Variants in UNC13C observed in about 807,000 individuals in gnomAD.
UNC13C encodes the protein protein unc-13 homolog C.
In UNC13C, 174 loss-of-function variants were observed where a neutral mutation model predicts 245.4. That is an observed-to-expected ratio of 0.71 (90% CI 0.63 to 0.80). The LOEUF (loss-of-function observed/expected upper bound fraction) is 0.80. Ranked by LOEUF, UNC13C falls within the 30% of genes least tolerant of loss-of-function variation. The pLI is 0.00. For synonymous variants in UNC13C, 992 were observed against 895.1 expected, an observed-to-expected ratio of 1.11 and a Z score of -1.93; for missense variants, 2,829 against 2,602.9, an observed-to-expected ratio of 1.09 and a Z score of -1.89.
intron 2 of UNC13C, among the ~76,000 whole-genome samples, chr15:54,053,290 C>T (rs1005983975): frequency 3.9e-5 from 6 of 152,086 alleles, no homozygotes; most frequent in Admixed American, 1.3e-4. Flanking sequence ...CCTCAGCCTC[C>T]GAAAGTGTTG....
intron 32 of UNC13C, 128 bp from the exon 33 acceptor site, chr15:54,626,700 C>A: frequency 1.2e-6 from 1 of 856,862 alleles, no homozygotes; most frequent in South Asian, 1.8e-5. Flanking sequence ...TTAAAATACA[C>A]TGATATCCTA....
At chr15:54,349,084 T>A (rs2038923464) in intron 17 of UNC13C, among the ~76,000 whole-genome samples, 1 of 148,878 alleles carries the variant, frequency 6.7e-6, no homozygotes, top group Admixed American at 6.7e-5. Flanking sequence ...TATACAAATA[T>A]ATCAAATTAT....
At chr15:54,623,521 CA>C (rs142773486) in intron 31 of UNC13C, among the ~76,000 whole-genome samples, 6 of 152,110 alleles carry the variant, frequency 3.9e-5, no homozygotes, top group Non-Finnish European at 8.8e-5. Flanking sequence ...ATGTTTTTAC[CA>C]AGAGGAGGAG....
At chr15:54,059,000 A>C (rs1299767246) in intron 2 of UNC13C, among the ~76,000 whole-genome samples, 1 of 152,332 alleles carries the variant, frequency 6.6e-6, no homozygotes, top group East Asian at 1.9e-4. Context: ...CCCACAGCCA[A>C]TATCATACTG....
At chr15:53,946,794 T>C in the UNC13C span, among the ~76,000 whole-genome samples, 1 of 151,162 alleles carries the variant, frequency 6.6e-6, no homozygotes, top group Non-Finnish European at 1.5e-5. Context: ...TAATGAATCA[T>C]ATTAACTGAT....
intron 2 of UNC13C, among the ~76,000 whole-genome samples, chr15:54,137,663 G>A (rs915863609): frequency 1.3e-5 from 2 of 151,670 alleles, no homozygotes; most frequent in African/African-American, 4.8e-5. Context: ...GCTACCAGTT[G>A]TAATGTTGCT....
chr15:54,408,100 C>T (rs1043753121), intron 18 of UNC13C, among the ~76,000 whole-genome samples: 4 of 145,878 alleles, frequency 2.7e-5, no homozygotes, highest in African/African-American at 1.0e-4. Context: ...ACTCGGGAGG[C>T]TGAGGCAGGA....
At chr15:53,923,921 C>A in the UNC13C span, among the ~76,000 whole-genome samples, 1 of 152,186 alleles carries the variant, frequency 6.6e-6, no homozygotes, top group Non-Finnish European at 1.5e-5. Context: ...AGAGAGACAG[C>A]ACGGGCTGGG....
chr15:54,230,084 G>A (rs1443376050), intron 4 of UNC13C, among the ~76,000 whole-genome samples: 1 of 55,618 alleles, frequency 1.8e-5, no homozygotes, highest in African/African-American at 6.8e-5. Context: ...ATAAATATAG[G>A]AGTGAACATA....
the UNC13C span, among the ~76,000 whole-genome samples, chr15:53,910,142 T>C: frequency 6.9e-6 from 1 of 145,492 alleles, no homozygotes; most frequent in African/African-American, 2.5e-5. Context: ...TGAGTATCCT[T>C]AGCTACTTAT....
At chr15:54,103,970 CTT>C (rs35545239) in intron 2 of UNC13C, among the ~76,000 whole-genome samples, 60,320 of 151,958 alleles carry the variant, frequency 0.4, 12,789 homozygotes, top group Admixed American at 0.5. Context: ...GTCTCAATCT[CTT>C]GACCTCGTGA....
Position 54,024,699 on chromosome 15 carries a change from A to C in UNC13C, c.2983+8813A>C, listed in dbSNP as rs561734665. 1.9e-3 allele frequency among the ~76,000 whole-genome samples: 287 copies of C among 152,194 alleles called. 1 individual carries two copies. The highest frequency in any genetic ancestry group is 6.8e-3 in the African/African-American group (284 of 41,532). On this transcript the variant is annotated intron_variant, in intron 2 of 32. Coordinates refer to ENST00000260323, the MANE Select transcript of UNC13C (RefSeq NM_001080534.3). ...TTTGGGAGGCCGAGGCGGGCGGATCACGAGGTCAGGATATCGAGACCATCC... is the reference window on the plus strand; with the variant it reads ...TTTGGGAGGCCGAGGCGGGCGGATCCCGAGGTCAGGATATCGAGACCATCC...
intron 2 of UNC13C, among the ~76,000 whole-genome samples, chr15:54,093,217 C>T (rs1222674072): frequency 6.7e-6 from 1 of 148,954 alleles, no homozygotes; most frequent in African/African-American, 2.4e-5. Context: ...CAAAATCAAT[C>T]TTGTCTATTT....
intron 2 of UNC13C, among the ~76,000 whole-genome samples, chr15:54,029,142 G>C (rs1450508528): frequency 2.0e-5 from 3 of 152,198 alleles, no homozygotes; most frequent in African/African-American, 7.2e-5. Flanking sequence ...ATTCTTGAAA[G>C]ACTCTGGGCA....
intron 14 of UNC13C, among the ~76,000 whole-genome samples, chr15:54,329,081 G>GTTT (rs36002521): frequency 7.4e-5 from 9 of 121,630 alleles, no homozygotes; most frequent in East Asian, 2.7e-4. Flanking sequence ...ATTAAACCAA[G>GTTT]TTTTTTTTTT....
chr15:54,147,497 G>A (rs2032317748), intron 4 of UNC13C, among the ~76,000 whole-genome samples: 1 of 152,160 alleles, frequency 6.6e-6, no homozygotes, highest in South Asian at 2.1e-4. Context: ...GGGATTACAG[G>A]CATGAGCCAC....
At chr15:54,202,303 T>A (rs543896734) in intron 4 of UNC13C, among the ~76,000 whole-genome samples, 2 of 151,616 alleles carry the variant, frequency 1.3e-5, no homozygotes, top group Non-Finnish European at 3.0e-5. Context: ...ATTCATCACA[T>A]AACTAGAAAA....
At chr15:53,931,886 T>C in the UNC13C span, among the ~76,000 whole-genome samples, 1 of 152,182 alleles carries the variant, frequency 6.6e-6, no homozygotes, top group Non-Finnish European at 1.5e-5. Context: ...CATGAAATCA[T>C]TTACCAAAAT....
At chr15:54,039,507 A>T (rs1017840621) in intron 2 of UNC13C, among the ~76,000 whole-genome samples, 3 of 152,150 alleles carry the variant, frequency 2.0e-5, no homozygotes, top group Admixed American at 6.5e-5. Flanking sequence ...GAATCCCTCC[A>T]CACAGATATT....
Sources: allele counts gnomAD v4.1 joint callset (sites outside exome capture counted in the v4.1 genomes callset), GRCh38; gene constraint gnomAD v4.1.1; transcripts MANE v1.5; gene names NCBI Gene and HGNC (gene_info 2026-07-23, HGNC 2026-07-21).